GON4L: variants seen among roughly 807,000 people sequenced by gnomAD.
The protein encoded by GON4L is gon-4 like.
In GON4L, 87 loss-of-function variants were observed where a neutral mutation model predicts 211.8. That is an observed-to-expected ratio of 0.41 (90% CI 0.35 to 0.49). GON4L has a LOEUF of 0.49. Ranked by LOEUF, GON4L falls within the 20% of genes least tolerant of loss-of-function variation. The pLI, the probability that GON4L is intolerant of heterozygous loss-of-function variation, is 0.15. For missense variants in GON4L, 2,155 were observed against 2,659.5 expected (o/e 0.81, Z 4.17); for synonymous variants, 875 against 962.6 (o/e 0.91, Z 1.68).
chr1:155,831,127 T>C (rs1669722890), intron 2 of GON4L, among the ~76,000 whole-genome samples: 1 of 151,998 alleles, frequency 6.6e-6, no homozygotes, highest in Non-Finnish European at 1.5e-5. Context: ...GGTGAAACGC[T>C]ATCTCGACAA....
At chr1:155,760,241 C>G (rs896343982) in intron 24 of GON4L, among the ~76,000 whole-genome samples, 3 of 151,974 alleles carry the variant, frequency 2.0e-5, no homozygotes, top group African/African-American at 7.3e-5. Context: ...AAAACCCTCT[C>G]ATTTATCATG....
chr1:155,775,581 AG>A (rs1213896579), intron 16 of GON4L, among the ~76,000 whole-genome samples: 1 of 151,500 alleles, frequency 6.6e-6, no homozygotes, highest in Non-Finnish European at 1.5e-5. Context: ...CTACCTCCCG[AG>A]TAGCTGGGAT....
rs1476280214 is a variant in GON4L, at chr1:155,762,105, C to A, written c.4911+85G>T. On this transcript the variant is annotated intron_variant, in intron 23 of 31. Coordinates refer to ENST00000368331, the MANE Select transcript of GON4L (RefSeq NM_001282860.2). ...GAAGCCTGTTGCATAGCCTGAAAAA[C>A]AGACTTTATGTTGAAAAACATCTCC... 1.1e-5 allele frequency: 12 copies of A among 1,126,338 alleles called. No homozygotes were observed. In the East Asian group the frequency reaches 3.1e-4, roughly 29 times the overall value. 69.8% of individuals were successfully genotyped at this position (1,126,338 alleles called of 1,614,324 possible).
At chr1:155,761,014 T>C (rs1557828374) in intron 23 of GON4L, among the ~76,000 whole-genome samples, 1 of 152,144 alleles carries the variant, frequency 6.6e-6, no homozygotes, top group Non-Finnish European at 1.5e-5. Flanking sequence ...GAGTAAATAA[T>C]ACATAAGTTA....
chr1:155,853,202 G>T, intron 2 of GON4L, 74 bp downstream of exon 2: 1 of 1,221,658 alleles, frequency 8.2e-7, no homozygotes, highest in Non-Finnish European at 1.2e-6. Context: ...ATACTACTCT[G>T]TAAAGGTATC....
Position 155,820,607 on chromosome 1 carries a change from A to T in GON4L, c.1013T>A (p.Val338Glu). ...ACAACAAAAAAACAGAATACTTACC[A>T]CTCCTTTTTCCACTACTTCCTTCAG... ...SKLKEVVEKG[V>E]VIPTWNISPI... The change falls in exon 6 of 32, where the codon GTG becomes GAG. Residue 338 changes from valine to glutamate, a missense_variant and splice_region_variant. Val to Glu is a moderately radical substitution (Grantham distance 121). Around this residue, in one of 6 missense-constraint regions of GON4L, gnomAD observed 551 missense variants for 854.0 expected, o/e 0.65. Transcript: ENST00000368331. 6.2e-7 allele frequency: 1 copy of T among 1,603,674 alleles called. No homozygotes were observed. Among genetic ancestry groups the T allele is most frequent in the East Asian group, 2.2e-5 (1 of 44,802 alleles).
At chr1:155,795,189 G>A (rs373074423) in intron 11 of GON4L, 38 bp from the exon 12 acceptor site, 6 of 1,059,744 alleles carry the variant, frequency 5.7e-6, no homozygotes, top group Non-Finnish European at 8.9e-6. Flanking sequence ...CATTAACTCT[G>A]TTCTCAAACT....
intron 6 of GON4L, among the ~76,000 whole-genome samples, chr1:155,818,724 C>T (rs1357955979): frequency 5.3e-5 from 8 of 152,124 alleles, no homozygotes; most frequent in Admixed American, 1.3e-4. Flanking sequence ...GGATATGGGA[C>T]GGGCACAGTG....
At chr1:155,769,443 C>A in intron 19 of GON4L, among the ~76,000 whole-genome samples, 1 of 151,814 alleles carries the variant, frequency 6.6e-6, no homozygotes, top group East Asian at 1.9e-4. Context: ...AGGAAAAAGC[C>A]CAAAACATCA....
intron 10 of GON4L, among the ~76,000 whole-genome samples, chr1:155,806,161 T>TC (rs1280591876): frequency 6.6e-6 from 1 of 151,504 alleles, no homozygotes; most frequent in East Asian, 1.9e-4. Context: ...CTAATTTTTT[T>TC]TTTTTTTTTT....
At position 155,767,656 on chromosome 1, in the gene GON4L, C is replaced by T. The variant is rs920314984; in HGVS notation, c.2647-115G>A. 1.7e-4 allele frequency: 264 copies of T among 1,575,872 alleles called. 1 individual carries two copies. The highest frequency in any genetic ancestry group is 2.2e-4 in the Non-Finnish European group (253 of 1,147,650). ...AGAAACACACACACACACACACACA[C>T]ACACACAAGACCACATACACAAACA... On this transcript the variant is annotated intron_variant, in intron 19 of 31. Transcript: ENST00000368331.
intron 19 of GON4L, among the ~76,000 whole-genome samples, chr1:155,768,694 C>T (rs925458620): frequency 6.6e-6 from 1 of 151,914 alleles, no homozygotes; most frequent in Non-Finnish European, 1.5e-5. Flanking sequence ...ATTCTCCCAC[C>T]TTGGCCTCCC....
intron 10 of GON4L, among the ~76,000 whole-genome samples, chr1:155,807,653 G>A (rs1361260885): frequency 7.8e-6 from 1 of 128,594 alleles, no homozygotes; most frequent in Non-Finnish European, 1.5e-5. Context: ...GCAGTGAGCC[G>A]AGATCGCACT....
chr1:155,853,277 T>A lies in GON4L; in HGVS notation c.504A>T (p.Gly168=). ...GEPSEEVKEE[G]GKPQMNSEGE... ...ACCTAGAGACCTTGTATACCTTACC[T>A]CCTTCTTCCTTGACTTCTTCACTAG... The change falls in exon 2 of 32, where the codon GGA becomes GGT. Residue 168 remains glycine, a splice_region_variant and synonymous_variant. Coordinates refer to ENST00000368331, the MANE Select transcript of GON4L (RefSeq NM_001282860.2). 1 of 1,613,110 alleles carries A rather than the reference T, an allele frequency of 6.2e-7. No individual in the cohort carries two copies. The highest frequency in any genetic ancestry group is 1.7e-5 in the Admixed American group (1 of 60,018).
intron 12 of GON4L, among the ~76,000 whole-genome samples, chr1:155,793,009 T>TTCTGCC (rs1433838844): frequency 2.0e-5 from 3 of 152,166 alleles, no homozygotes; most frequent in Non-Finnish European, 4.4e-5. Context: ...CATGCGATCC[T>TTCTGCC]TCTGCCTCTG....
At chr1:155,747,859 T>C (rs773301913), downstream of GON4L, 9 of 1,592,880 alleles carry the variant, frequency 5.7e-6, no homozygotes, top group Admixed American at 3.4e-5. Context: ...CGGGGAATAA[T>C]AACTTGGGGC....
At position 155,822,458 on chromosome 1, in the gene GON4L, T is replaced by C. The variant is rs768816493; in HGVS notation, c.716A>G (p.Glu239Gly). The C allele has an allele frequency of 6.2e-7, 1 of 1,613,312 alleles. No individual in the cohort carries two copies. The highest frequency in any genetic ancestry group is 8.5e-7 in the Non-Finnish European group (1 of 1,179,474). The change falls in exon 4 of 32, where the codon GAA becomes GGA. Residue 239 changes from glutamate to glycine, a missense_variant. This residue lies in a region of GON4L where 313 missense variants were observed against 293.2 expected (regional missense o/e 1.07). Transcript: ENST00000368331. The stretch of plus-strand genomic sequence containing the variant: ...TTTCTTTTTTCTCCTTTTCTCACTT[T>C]CTTCATTGTCTTGTTCTTCTGCAAA... ...FIPMEEQDNEESEKRRKKKKG... is the reference protein window; with the variant it reads ...FIPMEEQDNEGSEKRRKKKKG...
chr1:155,859,390 C>G (rs1426126039), upstream of GON4L: 1 of 189,390 alleles, frequency 5.3e-6, no homozygotes, highest in East Asian at 1.4e-4. Flanking sequence ...GAGGAGTCCC[C>G]TCCGGGAGAG....
chr1:155,847,891 A>T (rs574087626), intron 2 of GON4L, among the ~76,000 whole-genome samples: 9 of 152,152 alleles, frequency 5.9e-5, no homozygotes, highest in African/African-American at 2.2e-4. Flanking sequence ...ATAAACAATA[A>T]ATAAATATAT....
Sources: gnomAD v4.1 joint callset for allele counts (sites outside exome capture counted in the v4.1 genomes callset) on GRCh38, gnomAD v4.1.1 for gene constraint, gnomAD v4.1.1 regional missense constraint, MANE v1.5 for transcripts, NCBI Gene and HGNC (gene_info 2026-07-23, HGNC 2026-07-21) for gene names.